Variants in KIRREL3 observed in about 807,000 individuals in gnomAD.
The protein encoded by KIRREL3 is kirre like nephrin family adhesion molecule 3.
A neutral mutation model predicts 89.7 loss-of-function variants in KIRREL3; 36 were observed. The observed-to-expected ratio is 0.40, with a 90% CI of 0.31 to 0.53. KIRREL3 has a LOEUF of 0.53. Among genes scored for constraint, KIRREL3 ranks in the 20% least tolerant of loss-of-function variants. The pLI, the probability that KIRREL3 is intolerant of heterozygous loss-of-function variation, is 0.49. For missense variants in KIRREL3, 864 were observed against 1,056.6 expected (o/e 0.82, Z 2.53); for synonymous variants, 445 against 441.4 (o/e 1.01, Z -0.10).
At position 126,627,722 on chromosome 11, in the gene KIRREL3, G is replaced by A. The variant is rs992172523; in HGVS notation, c.56-64810C>T. Among the ~76,000 whole-genome samples the A allele has an allele frequency of 2.0e-5, 3 of 152,228 alleles. No homozygotes were observed. The highest frequency in any genetic ancestry group is 7.2e-5 in the African/African-American group (3 of 41,464). ...CCAGAGAAGGGAGATGGCATTGGCG[G>A]CAGGAGGGAGGGAGAAGAATGTTCT... On this transcript the variant is annotated intron_variant, in intron 1 of 16. Coordinates refer to ENST00000525144, the MANE Select transcript of KIRREL3 (RefSeq NM_032531.4). The surrounding 1 kb of genome is among the most constrained non-coding windows in gnomAD (Gnocchi z 5.0).
intron 1 of KIRREL3, among the ~76,000 whole-genome samples, chr11:126,598,756 C>A (rs1325038879): frequency 6.6e-6 from 1 of 152,200 alleles, no homozygotes; most frequent in Non-Finnish European, 1.5e-5. Flanking sequence ...GTCATTCACT[C>A]CTGAGGGACT....
At position 126,551,519 on chromosome 11, in the gene KIRREL3, C is replaced by T. The variant is rs564828550; in HGVS notation, c.133+11316G>A. 5.5e-4 allele frequency among the ~76,000 whole-genome samples: 83 copies of T among 152,276 alleles called. 2 individuals carry two copies. The South Asian group carries it at 0.016, about 28-fold the overall frequency. On this transcript the variant is annotated intron_variant, in intron 2 of 16. Transcript: ENST00000525144. The surrounding 1 kb of genome is among the most constrained non-coding windows in gnomAD (Gnocchi z 4.9). ...AGAAACATGTCTAGATACATCATCA[C>T]GCCTCAGGCCATGCCCTGACTTTCA...
In KIRREL3 at chr11:126,610,485, A is replaced by C. The variant is rs1278258293; in HGVS notation, c.56-47573T>G. ...ACAGAAGGGACATACTTAGGATGAT[A>C]GACTAACCTGGCCCAGCCTGCAACC... On this transcript the variant is annotated intron_variant, in intron 1 of 16. Coordinates refer to ENST00000525144, the MANE Select transcript of KIRREL3 (RefSeq NM_032531.4). The surrounding 1 kb of genome is among the most constrained non-coding windows in gnomAD (Gnocchi z 4.6). 6.6e-6 allele frequency among the ~76,000 whole-genome samples: 1 copy of C among 152,234 alleles called. No individual in the cohort carries two copies. The highest frequency in any genetic ancestry group is 1.5e-5 in the Non-Finnish European group (1 of 68,042).
chr11:126,967,338 A>T (rs1433059894), intron 1 of KIRREL3, among the ~76,000 whole-genome samples: 2 of 152,152 alleles, frequency 1.3e-5, no homozygotes, highest in Non-Finnish European at 2.9e-5. Flanking sequence ...AACCTTAGAG[A>T]ACAGGAGAGC....
intron 1 of KIRREL3, among the ~76,000 whole-genome samples, chr11:126,921,065 C>G (rs570330076): frequency 6.6e-6 from 1 of 152,316 alleles, no homozygotes; most frequent in East Asian, 1.9e-4. Flanking sequence ...AGCTAAAGGC[C>G]TGGATAGAAC....
rs1312322369 is a variant in KIRREL3 at position 126,977,078 on chromosome 11, T to C, written c.55+23377A>G. On this transcript the variant is annotated intron_variant, in intron 1 of 16. Coordinates refer to ENST00000525144, the MANE Select transcript of KIRREL3 (RefSeq NM_032531.4). The surrounding 1 kb of genome is among the most constrained non-coding windows in gnomAD (Gnocchi z 4.7). ...CTGCCCTTTTTATTCTTCTTCCTTC[T>C]TGAAACCTAAAAAAATCTCTCTTTT... 2.6e-5 allele frequency among the ~76,000 whole-genome samples: 4 copies of C among 152,196 alleles called. No individual in the cohort carries two copies. Among genetic ancestry groups the C allele is most frequent in the Non-Finnish European group, 4.4e-5 (3 of 68,032 alleles).
intron 1 of KIRREL3, among the ~76,000 whole-genome samples, chr11:126,654,127 G>C (rs1945024284): frequency 1.3e-5 from 2 of 152,160 alleles, no homozygotes; most frequent in African/African-American, 4.8e-5. Flanking sequence ...CTGTGTTTCG[G>C]TATCTGCATT....
Position 126,516,547 on chromosome 11 carries a change from T to C in KIRREL3, c.433+4768A>G, listed in dbSNP as rs1849065100. 6.6e-6 allele frequency among the ~76,000 whole-genome samples: 1 copy of C among 152,218 alleles called. No homozygotes were observed. The highest frequency in any genetic ancestry group is 6.5e-5 in the Admixed American group (1 of 15,280). On this transcript the variant is annotated intron_variant, in intron 4 of 16. Coordinates refer to ENST00000525144, the MANE Select transcript of KIRREL3 (RefSeq NM_032531.4). This position sits in a 1 kb window ranked among gnomAD's most constrained non-coding sequence, Gnocchi z 4.9. ...AAGGATGGTTTTCTCTTTCGTTTCC[T>C]GATGAATCCCACGTGTCTAGACTAG...
At position 126,534,505 on chromosome 11, in the gene KIRREL3, C is replaced by T. The variant is rs546690621; in HGVS notation, c.134-7818G>A. The stretch of plus-strand genomic sequence containing the variant: ...AGGTCATGTTCCTGAAAGCGGGAGG[C>T]TCTGCGGGGCAGGGTCCCAGGGTTC... On this transcript the variant is annotated intron_variant, in intron 2 of 16. Transcript: ENST00000525144. Among the ~76,000 whole-genome samples, 7 of 152,274 alleles carry T rather than the reference C, an allele frequency of 4.6e-5. No individual in the cohort carries two copies. The East Asian group carries it at 9.7e-4, about 21-fold the overall frequency.
rs1942955832 is a variant in KIRREL3 at position 126,607,949 on chromosome 11, A to G, written c.56-45037T>C. Among the ~76,000 whole-genome samples the G allele has an allele frequency of 6.6e-6, 1 of 152,218 alleles. No individual in the cohort carries two copies. Among genetic ancestry groups the G allele is most frequent in the African/African-American group, 2.4e-5 (1 of 41,462 alleles). On this transcript the variant is annotated intron_variant, in intron 1 of 16. Transcript: ENST00000525144. This position sits in a 1 kb window ranked among gnomAD's most constrained non-coding sequence, Gnocchi z 6.6. ...CACCCAGGCACTAGGGCAACTGCTC[A>G]GCCCCATCGCAGCAAGGGCCCGAGG...
Position 126,705,971 on chromosome 11 carries a change from T to C in KIRREL3, c.56-143059A>G, listed in dbSNP as rs371214899. On this transcript the variant is annotated intron_variant, in intron 1 of 16. Transcript: ENST00000525144. This position sits in a 1 kb window ranked among gnomAD's most constrained non-coding sequence, Gnocchi z 4.3. ...GAGAAGCCTACCCCACATGGAAATA[T>C]ACACAGAGGAAAATGGAGGCAGTGG... 1.3e-5 allele frequency among the ~76,000 whole-genome samples: 2 copies of C among 152,180 alleles called. No individual in the cohort carries two copies. Among genetic ancestry groups the C allele is most frequent in the Non-Finnish European group, 2.9e-5 (2 of 68,032 alleles).
chr11:126,505,653 T>C (rs1244398841), intron 4 of KIRREL3, among the ~76,000 whole-genome samples: 2 of 152,210 alleles, frequency 1.3e-5, no homozygotes, highest in African/African-American at 4.8e-5. Flanking sequence ...ACCATCTATA[T>C]ATAATCTTAG....
intron 10 of KIRREL3, chr11:126,440,840 A>G: frequency 2.0e-6 from 1 of 499,258 alleles, no homozygotes; most frequent in Non-Finnish European, 3.6e-6. Context: ...CGGTGCAGAT[A>G]AAGTGCTAAC....
chr11:126,440,377 C>T, intron 11 of KIRREL3, 72 bp downstream of exon 11: 1 of 1,370,784 alleles, frequency 7.3e-7, no homozygotes, highest in Non-Finnish European at 1.0e-6. Context: ...CCTGGCTGGC[C>T]ACCCAGGTAT....
In KIRREL3 at chr11:126,824,876, T is replaced by C. The variant is rs1194693533; in HGVS notation, c.55+175579A>G. On this transcript the variant is annotated intron_variant, in intron 1 of 16. Transcript: ENST00000525144. ...AGCTATTGATTTACACTGTCGGAGG[T>C]AAAATTCAACAGAACCATTTTAGGG... Among the ~76,000 whole-genome samples, 6 of 152,342 alleles carry C rather than the reference T, an allele frequency of 3.9e-5. No homozygotes were observed. The East Asian group carries it at 9.7e-4, about 25-fold the overall frequency.
chr11:126,725,138 C>G (rs1481098374), intron 1 of KIRREL3, among the ~76,000 whole-genome samples: 1 of 152,176 alleles, frequency 6.6e-6, no homozygotes, highest in South Asian at 2.1e-4. Context: ...GGGGTTATTT[C>G]TTAAGCCTGT....
At position 126,471,554 on chromosome 11, in the gene KIRREL3, A is replaced by G. The variant is rs1956892677; in HGVS notation, c.591+1755T>C. On this transcript the variant is annotated intron_variant, in intron 5 of 16. Transcript: ENST00000525144. The surrounding 1 kb of genome is among the most constrained non-coding windows in gnomAD (Gnocchi z 5.4). ...TTGTGGCTTGCTTTCATAGGAAGGA[A>G]TGGTGAGGTAGGGTTGGTGGCTCAG... 1.3e-5 allele frequency among the ~76,000 whole-genome samples: 2 copies of G among 151,992 alleles called. No homozygotes were observed. Among genetic ancestry groups the G allele is most frequent in the Admixed American group, 1.3e-4 (2 of 15,248 alleles).
At chr11:126,863,426 TGTGTGAGTGC>T (rs1944782161) in intron 1 of KIRREL3, among the ~76,000 whole-genome samples, 1 of 106,782 alleles carries the variant, frequency 9.4e-6, no homozygotes, top group Middle Eastern at 5.2e-3. Context: ...TGAGCGCATG[TGTGTGAGTGC>T]GTGTGTGAGT....
At chr11:126,706,045 G>A (rs1947516890) in intron 1 of KIRREL3, among the ~76,000 whole-genome samples, 1 of 152,220 alleles carries the variant, frequency 6.6e-6, no homozygotes, top group Non-Finnish European at 1.5e-5. Flanking sequence ...CTGATTATCA[G>A]CCATGTGAGT....
Sources: gnomAD v4.1 joint callset for allele counts (sites outside exome capture counted in the v4.1 genomes callset) on GRCh38, gnomAD v4.1.1 for gene constraint, Gnocchi (gnomAD v3.1) non-coding constraint, MANE v1.5 for transcripts, NCBI Gene and HGNC (gene_info 2026-07-23, HGNC 2026-07-21) for gene names.